CSGALNACT1: variants seen among roughly 807,000 people sequenced by gnomAD.
CSGALNACT1 encodes the protein beta4GalNAcT-1.
A neutral mutation model predicts 51.0 loss-of-function variants in CSGALNACT1; 52 were observed. The ratio of observed to expected loss-of-function variants is 1.02; its 90% CI spans 0.82 to 1.29. The LOEUF (loss-of-function observed/expected upper bound fraction) is 1.29, where lower values mean the gene tolerates loss of function less well. Among genes scored for constraint, CSGALNACT1 ranks in the 50% most tolerant of loss-of-function variants. The probability of loss-of-function intolerance (pLI) is 0.00; values close to 1 mark genes in which losing one functional copy is unlikely to be tolerated. For synonymous variants in CSGALNACT1, 341 were observed against 254.4 expected (o/e 1.34, Z -3.24); for missense variants, 935 against 679.2 (o/e 1.38, Z -4.19).
At chr8:19,407,020 TA>T (rs2054345886) in intron 9 of CSGALNACT1, among the ~76,000 whole-genome samples, 1 of 152,188 alleles carries the variant, frequency 6.6e-6, no homozygotes, top group Non-Finnish European at 1.5e-5. Flanking sequence ...AGAAAATTTT[TA>T]AATGTCCTTT....
chr8:19,609,869 A>T (rs1384965230), intron 1 of CSGALNACT1, among the ~76,000 whole-genome samples: 1 of 152,182 alleles, frequency 6.6e-6, no homozygotes, highest in Non-Finnish European at 1.5e-5. Flanking sequence ...CAATGTGGAA[A>T]ATATCTAAAT....
intron 4 of CSGALNACT1, among the ~76,000 whole-genome samples, chr8:19,488,189 A>C (rs967707613): frequency 1.3e-5 from 2 of 151,716 alleles, no homozygotes; most frequent in Non-Finnish European, 2.9e-5. Context: ...ATCTCTATTG[A>C]AAATACAAAA....
At chr8:19,752,153 C>CAT (rs1478861392) in intron 1 of CSGALNACT1, among the ~76,000 whole-genome samples, 1 of 142,110 alleles carries the variant, frequency 7.0e-6, no homozygotes, top group East Asian at 2.0e-4. Flanking sequence ...TATTATATGA[C>CAT]ATATCATATA....
At chr8:19,505,983 T>A in exon 4 of CSGALNACT1, 1 of 855,144 alleles carries the variant, frequency 1.2e-6, no homozygotes, top group Non-Finnish European at 1.9e-6. Flanking sequence ...GAGTTCTGCC[T>A]CTTGGAGTTA....
intron 4 of CSGALNACT1, among the ~76,000 whole-genome samples, chr8:19,498,692 C>G (rs1168100907): frequency 6.6e-6 from 1 of 152,208 alleles, no homozygotes; most frequent in Non-Finnish European, 1.5e-5. Context: ...TCCCCTGAGC[C>G]TTTCCTGCCC....
intron 1 of CSGALNACT1, among the ~76,000 whole-genome samples, chr8:19,655,700 G>A (rs1372846322): frequency 6.6e-6 from 1 of 152,086 alleles, no homozygotes; most frequent in Non-Finnish European, 1.5e-5. Context: ...TTACAGGCAT[G>A]AGCCACCAAC....
exon 10 of CSGALNACT1, chr8:19,404,230 A>C: frequency 2.5e-6 from 1 of 405,212 alleles, no homozygotes; most frequent in Non-Finnish European, 4.9e-6. Context: ...GTTTTAATTA[A>C]ATTTCATAAA....
chr8:19,658,062 CAAAAAA>C (rs397973082), intron 1 of CSGALNACT1, among the ~76,000 whole-genome samples: 18 of 86,684 alleles, frequency 2.1e-4, no homozygotes, highest in Admixed American at 2.7e-4. Flanking sequence ...ACCCTCCTTC[CAAAAAA>C]AAAAAAAAAA....
Position 19,717,031 on chromosome 8 carries a change from G to A in CSGALNACT1, c.-297+40819C>T, listed in dbSNP as rs190788980. On this transcript the variant is annotated intron_variant, in intron 1 of 1. Coordinates refer to the CSGALNACT1 transcript ENST00000517494. ...CTTCTAAGCCTTAGTGGGGATAAAC[G>A]AGGCAAAAATTCATATTTAATTCAC... Among the ~76,000 whole-genome samples, 9 of 152,284 alleles carry A rather than the reference G, an allele frequency of 5.9e-5. No homozygotes were observed. In the East Asian group the frequency reaches 9.6e-4, roughly 16 times the overall value.
chr8:19,611,273 T>A (rs2052219481), intron 1 of CSGALNACT1, among the ~76,000 whole-genome samples: 1 of 152,224 alleles, frequency 6.6e-6, no homozygotes, highest in African/African-American at 2.4e-5. Flanking sequence ...TAGTTAACAT[T>A]CATCTCCTCC....
At chr8:19,726,876 G>A (rs1300293289) in intron 1 of CSGALNACT1, among the ~76,000 whole-genome samples, 1 of 152,186 alleles carries the variant, frequency 6.6e-6, no homozygotes, top group Non-Finnish European at 1.5e-5. Flanking sequence ...AGAGCTCAGA[G>A]GACTGAAAGC....
intron 3 of CSGALNACT1, among the ~76,000 whole-genome samples, chr8:19,580,386 AG>A (rs1318230014): frequency 6.6e-6 from 1 of 152,238 alleles, no homozygotes; most frequent in East Asian, 1.9e-4. Context: ...GTTGACATTT[AG>A]GGCCTAGTAT....
At chr8:19,487,476 G>A (rs78395456) in intron 4 of CSGALNACT1, among the ~76,000 whole-genome samples, 11 of 152,168 alleles carry the variant, frequency 7.2e-5, no homozygotes, top group African/African-American at 1.9e-4. Flanking sequence ...TGCAAAGGGC[G>A]AGACACATGA....
intron 6 of CSGALNACT1, among the ~76,000 whole-genome samples, chr8:19,429,241 A>G (rs1030144836): frequency 2.6e-5 from 4 of 152,280 alleles, no homozygotes; most frequent in African/African-American, 7.2e-5. Flanking sequence ...CAGTGGTGCA[A>G]TCTTGGTTCA....
chr8:19,652,866 G>A (rs1049776729), intron 1 of CSGALNACT1, among the ~76,000 whole-genome samples: 5 of 152,004 alleles, frequency 3.3e-5, no homozygotes, highest in Admixed American at 1.3e-4. Context: ...TCTCATCCTC[G>A]GTTTACCAGA....
intron 3 of CSGALNACT1, among the ~76,000 whole-genome samples, chr8:19,576,164 G>A (rs1351151353): frequency 6.6e-6 from 1 of 152,042 alleles, no homozygotes; most frequent in Admixed American, 6.6e-5. Flanking sequence ...GTAGTGAGCA[G>A]TCATTTCTTT....
chr8:19,423,810 G>C (rs372999465), intron 6 of CSGALNACT1, among the ~76,000 whole-genome samples: 11 of 152,304 alleles, frequency 7.2e-5, no homozygotes, highest in African/African-American at 2.6e-4. Flanking sequence ...ACAAGGAAAA[G>C]ACAATGCATG....
intron 6 of CSGALNACT1, among the ~76,000 whole-genome samples, chr8:19,427,065 C>G (rs931331314): frequency 1.3e-5 from 2 of 152,184 alleles, no homozygotes; most frequent in Admixed American, 1.3e-4. Flanking sequence ...TAAAGCTGAA[C>G]ATGTTATCAT....
chr8:19,753,434 A>G (rs2065166006), intron 1 of CSGALNACT1, among the ~76,000 whole-genome samples: 1 of 152,200 alleles, frequency 6.6e-6, no homozygotes, highest in East Asian at 1.9e-4. Flanking sequence ...TTCCAAACTC[A>G]GAGACATTCT....
Sources: allele counts gnomAD v4.1 joint callset (sites outside exome capture counted in the v4.1 genomes callset), GRCh38; gene constraint gnomAD v4.1.1; transcripts MANE v1.5; gene names NCBI Gene and HGNC (gene_info 2026-07-23, HGNC 2026-07-21).